Variants in NEDD4L observed in about 807,000 individuals in gnomAD.
NEDD4L encodes the protein E3 ubiquitin-protein ligase NEDD4-like.
NEDD4L carries 54 observed loss-of-function variants against 148.9 expected under a neutral mutation model. The observed-to-expected ratio is 0.36, with a 90% CI of 0.29 to 0.45. The LOEUF is 0.45. Among genes scored for constraint, NEDD4L ranks in the 20% least tolerant of loss-of-function variants. The pLI is 1.00. For synonymous variants in NEDD4L, 433 were observed against 440.7 expected (o/e 0.98, Z 0.22); for missense variants, 856 against 1,233.8 (o/e 0.69, Z 4.59).
At position 58,260,162 on chromosome 18, in the gene NEDD4L, C is replaced by CT. The variant is rs1462025706; in HGVS notation, c.297+8111dup. On this transcript the variant is annotated intron_variant, in intron 5 of 30. Coordinates refer to ENST00000400345, the MANE Select transcript of NEDD4L (RefSeq NM_001144967.3). ...CTACAGCCTGGGCAGCAGAACGAGA[C>CT]TTTGTCTCAAAAAAATAAAAATAAA... Among the ~76,000 whole-genome samples the CT allele has an allele frequency of 2.0e-5, 3 of 152,104 alleles. No homozygotes were observed. The East Asian group carries it at 5.8e-4, about 29-fold the overall frequency.
chr18:58,078,543 T>G (rs990132917), intron 1 of NEDD4L, among the ~76,000 whole-genome samples: 20 of 152,132 alleles, frequency 1.3e-4, no homozygotes, highest in African/African-American at 4.3e-4. Context: ...AATGGGGGCA[T>G]TTTTCCTGAA....
intron 2 of NEDD4L, among the ~76,000 whole-genome samples, chr18:58,167,611 C>T (rs1445961304): frequency 6.6e-6 from 1 of 152,072 alleles, no homozygotes; most frequent in African/African-American, 2.4e-5. Flanking sequence ...TGGTGGTTTC[C>T]TAGTATTTCT....
chr18:58,390,979 G>C (rs1254677862), intron 29 of NEDD4L, among the ~76,000 whole-genome samples: 3 of 151,496 alleles, frequency 2.0e-5, no homozygotes, highest in Non-Finnish European at 2.9e-5. Flanking sequence ...CCATAAGGCT[G>C]CTCTTTTTTT....
Position 58,097,118 on chromosome 18 carries a change from G to A in NEDD4L, c.48+52410G>A, listed in dbSNP as rs1481550089. On this transcript the variant is annotated intron_variant, in intron 1 of 30. Coordinates refer to ENST00000400345, the MANE Select transcript of NEDD4L (RefSeq NM_001144967.3). Reference sequence around the variant, plus strand: ...TTAAATTACAAAAAGAAAAAAAAAAGTGAATGCACGAAGATTGTTTTGTTC... The same window carrying A: ...TTAAATTACAAAAAGAAAAAAAAAAATGAATGCACGAAGATTGTTTTGTTC... Among the ~76,000 whole-genome samples, 4 of 152,216 alleles carry A rather than the reference G, an allele frequency of 2.6e-5. No homozygotes were observed. The South Asian group carries it at 6.2e-4, about 24-fold the overall frequency.
intron 13 of NEDD4L, among the ~76,000 whole-genome samples, chr18:58,338,862 G>A (rs2145063851): frequency 6.6e-6 from 1 of 152,326 alleles, no homozygotes; most frequent in South Asian, 2.1e-4. Context: ...GTTGCAGTGA[G>A]CCAAGATTGT....
intron 4 of NEDD4L, 53 bp from the exon 5 acceptor site, chr18:58,251,948 G>A (rs972081150): frequency 2.1e-6 from 2 of 961,792 alleles, no homozygotes; most frequent in South Asian, 1.3e-5. Flanking sequence ...TCCTTACGTC[G>A]CTGTTCAAAT....
At chr18:58,314,348 C>A (rs1005637000) in intron 5 of NEDD4L, among the ~76,000 whole-genome samples, 1 of 149,752 alleles carries the variant, frequency 6.7e-6, no homozygotes, top group Non-Finnish European at 1.5e-5. Flanking sequence ...ACCCAGGAGG[C>A]GGAGGTTGCA....
At chr18:58,386,688 A>G (rs1028953445) in intron 26 of NEDD4L, among the ~76,000 whole-genome samples, 2 of 152,216 alleles carry the variant, frequency 1.3e-5, no homozygotes, top group South Asian at 2.1e-4. Flanking sequence ...CCTCGTGTCC[A>G]CGTGACTGAT....
intron 2 of NEDD4L, among the ~76,000 whole-genome samples, chr18:58,228,287 G>T (rs1054427244): frequency 1.3e-5 from 2 of 152,192 alleles, no homozygotes; most frequent in African/African-American, 4.8e-5. Flanking sequence ...TCTGCCAACA[G>T]GAGTGGAGCT....
At chr18:58,159,444 C>G (rs995843595) in intron 1 of NEDD4L, among the ~76,000 whole-genome samples, 3 of 152,004 alleles carry the variant, frequency 2.0e-5, no homozygotes, top group African/African-American at 7.3e-5. Context: ...TACTCTGGAG[C>G]AGGATGTTGA....
intron 13 of NEDD4L, among the ~76,000 whole-genome samples, chr18:58,337,887 G>A (rs1000258876): frequency 1.3e-5 from 2 of 152,134 alleles, no homozygotes; most frequent in African/African-American, 4.8e-5. Context: ...GCAAATAAAC[G>A]CACAGTGGTG....
At chr18:58,096,311 C>T (rs920838600) in intron 1 of NEDD4L, among the ~76,000 whole-genome samples, 2 of 151,354 alleles carry the variant, frequency 1.3e-5, no homozygotes, top group South Asian at 2.1e-4. Flanking sequence ...TTATCTAAAA[C>T]GAATCCTCCT....
intron 5 of NEDD4L, among the ~76,000 whole-genome samples, chr18:58,288,397 A>G (rs2149075191): frequency 6.6e-6 from 1 of 152,368 alleles, no homozygotes; most frequent in African/African-American, 2.4e-5. Context: ...TCTAAAAGGA[A>G]TAAGTTGTGG....
chr18:58,281,037 A>T (rs552753107), intron 5 of NEDD4L, among the ~76,000 whole-genome samples: 1 of 151,974 alleles, frequency 6.6e-6, no homozygotes, highest in Non-Finnish European at 1.5e-5. Context: ...GTGCAGTGGC[A>T]TGCAATCATG....
intron 5 of NEDD4L, among the ~76,000 whole-genome samples, chr18:58,311,706 TTTGTTGTTG>T (rs147148524): frequency 2.0e-5 from 3 of 151,930 alleles, no homozygotes; most frequent in African/African-American, 7.3e-5. Flanking sequence ...CCCTGTGGTT[TTTGTTGTTG>T]TTGTTGTTGT....
At chr18:58,364,852 A>T (rs2045912531) in intron 20 of NEDD4L, among the ~76,000 whole-genome samples, 1 of 152,234 alleles carries the variant, frequency 6.6e-6, no homozygotes, top group Non-Finnish European at 1.5e-5. Flanking sequence ...AAAACCTAGA[A>T]ACTCTAAAAA....
At chr18:58,332,653 T>TGATTCTTTC (rs1310329880) in intron 11 of NEDD4L, among the ~76,000 whole-genome samples, 2 of 152,022 alleles carry the variant, frequency 1.3e-5, no homozygotes, top group Non-Finnish European at 2.9e-5. Context: ...TATTAAAGAC[T>TGATTCTTTC]GATTCTTTCA....
At chr18:58,101,890 A>G (rs1372218904) in intron 1 of NEDD4L, among the ~76,000 whole-genome samples, 1 of 152,148 alleles carries the variant, frequency 6.6e-6, no homozygotes, top group Non-Finnish European at 1.5e-5. Context: ...ATTATTCATG[A>G]TGACATGAAT....
At chr18:58,148,310 C>T (rs2034323167) in intron 1 of NEDD4L, among the ~76,000 whole-genome samples, 2 of 97,106 alleles carry the variant, frequency 2.1e-5, no homozygotes, top group Non-Finnish European at 4.5e-5. Flanking sequence ...GGACTACAGG[C>T]ACATGCACTG....
Sources: gnomAD v4.1 joint callset for allele counts (sites outside exome capture counted in the v4.1 genomes callset) on GRCh38, gnomAD v4.1.1 for gene constraint, MANE v1.5 for transcripts, NCBI Gene and HGNC (gene_info 2026-07-23, HGNC 2026-07-21) for gene names.